The following TRAPPC6B variants were observed in gnomAD, a reference collection of about 807,000 sequenced individuals.
TRAPPC6B encodes TRAPP complex subunit 6B.
A neutral mutation model predicts 24.7 loss-of-function variants in TRAPPC6B; 27 were observed. The observed-to-expected ratio is 1.09, with a 90% CI of 0.81 to 1.51. TRAPPC6B has a LOEUF of 1.51. Ranked by LOEUF, TRAPPC6B falls within the 40% of genes most tolerant of loss-of-function variation. The probability of loss-of-function intolerance (pLI) is 0.00; values close to 1 mark genes in which losing one functional copy is unlikely to be tolerated. For synonymous variants in TRAPPC6B, 80 were observed against 66.6 expected (o/e 1.20, Z -0.98); for missense variants, 212 against 190.8 (o/e 1.11, Z -0.66).
At chr14:39,154,394 T>G (rs2052952069) in intron 3 of TRAPPC6B, 100 bp from the exon 4 acceptor site, 6 of 774,724 alleles carry the variant, frequency 7.7e-6, no homozygotes, top group Middle Eastern at 6.6e-4. Flanking sequence ...TTAAAGTTAT[T>G]AAAAGTCTCC....
At chr14:39,154,497 G>A (rs754801095) in intron 3 of TRAPPC6B, among the ~76,000 whole-genome samples, 28 of 152,136 alleles carry the variant, frequency 1.8e-4, no homozygotes, top group Non-Finnish European at 4.4e-5. Context: ...ACGCCTCACT[G>A]CAGCCTCCAA....
intron 1 of TRAPPC6B, among the ~76,000 whole-genome samples, chr14:39,168,210 C>A: frequency 9.0e-6 from 1 of 110,872 alleles, no homozygotes. Context: ...GAACAAAACT[C>A]CATCTAAAAA....
At chr14:39,159,397 A>T (rs2053027223) in intron 2 of TRAPPC6B, 86 bp downstream of exon 2, 1 of 921,650 alleles carries the variant, frequency 1.1e-6, no homozygotes, top group Non-Finnish European at 1.6e-6. Context: ...AAATTAAAAT[A>T]TCCCAAGTTT....
intron 1 of TRAPPC6B, among the ~76,000 whole-genome samples, chr14:39,163,581 C>A (rs138337589): frequency 6.6e-6 from 1 of 150,820 alleles, no homozygotes; most frequent in Non-Finnish European, 1.5e-5. Flanking sequence ...ATTTAATATA[C>A]CATACATTTT....
intron 3 of TRAPPC6B, among the ~76,000 whole-genome samples, chr14:39,155,288 C>T (rs1449601224): frequency 6.6e-6 from 1 of 152,136 alleles, no homozygotes; most frequent in Non-Finnish European, 1.5e-5. Context: ...GTTGCCCAGG[C>T]TGGAGTGCAA....
At chr14:39,158,496 C>A (rs539876630) in intron 2 of TRAPPC6B, 94 bp from the exon 3 acceptor site, 2 of 735,110 alleles carry the variant, frequency 2.7e-6, no homozygotes, top group East Asian at 5.4e-5. Context: ...CAGAACAGCA[C>A]TGAACATTTA....
intron 1 of TRAPPC6B, among the ~76,000 whole-genome samples, chr14:39,166,835 AC>A (rs34998130): frequency 0.29 from 44,326 of 151,888 alleles, 7,611 homozygotes; most frequent in Non-Finnish European, 0.38. Context: ...TGCATCCCCA[AC>A]CAACCAGGAG....
At chr14:39,164,580 T>C (rs181021799) in intron 1 of TRAPPC6B, among the ~76,000 whole-genome samples, 85 of 152,288 alleles carry the variant, frequency 5.6e-4, no homozygotes, top group Admixed American at 9.2e-4. Context: ...TAGTGACTCA[T>C]GCCTGTAAAT....
intron 1 of TRAPPC6B, among the ~76,000 whole-genome samples, chr14:39,163,914 T>G (rs1262880428): frequency 6.6e-6 from 1 of 150,920 alleles, no homozygotes; most frequent in Non-Finnish European, 1.5e-5. Context: ...CTAACTTCAT[T>G]AATGGCACCA....
At chr14:39,160,976 G>C (rs992229336) in intron 1 of TRAPPC6B, among the ~76,000 whole-genome samples, 1 of 152,194 alleles carries the variant, frequency 6.6e-6, no homozygotes, top group Non-Finnish European at 1.5e-5. Context: ...ATGCAGTCCA[G>C]TTAGGAGAAA....
intron 1 of TRAPPC6B, among the ~76,000 whole-genome samples, chr14:39,163,679 G>A (rs2053080833): frequency 6.6e-6 from 1 of 150,724 alleles, no homozygotes; most frequent in South Asian, 2.1e-4. Context: ...TATTCTGAAG[G>A]CTGTTTGTCT....
At chr14:39,165,194 C>A (rs575319292) in intron 1 of TRAPPC6B, among the ~76,000 whole-genome samples, 1 of 152,042 alleles carries the variant, frequency 6.6e-6, no homozygotes, top group African/African-American at 2.4e-5. Flanking sequence ...TACAGGCGAC[C>A]GCCACCACGC....
At chr14:39,161,130 TTTA>T (rs1203566114) in intron 1 of TRAPPC6B, among the ~76,000 whole-genome samples, 1 of 151,522 alleles carries the variant, frequency 6.6e-6, no homozygotes, top group African/African-American at 2.5e-5. Context: ...ATGCTAGGTT[TTTA>T]TTTCTTTGTT....
intron 3 of TRAPPC6B, chr14:39,157,198 C>A: frequency 3.1e-6 from 1 of 323,114 alleles, no homozygotes; most frequent in South Asian, 3.1e-5. Context: ...AGGACATCCA[C>A]CCAATATGGA....
chr14:39,150,202 T>C lies in TRAPPC6B; in HGVS notation c.*148A>G, dbSNP rs1298766270. On this transcript the variant is annotated 3_prime_UTR_variant, in exon 6 of 6. Coordinates refer to ENST00000330149, the MANE Select transcript of TRAPPC6B (RefSeq NM_001079537.2). ...TATGTCATGGCAGAATGTCCCTTCA[T>C]CTCCTTTGATCTGTGTTAAATTGAT... 2 of 657,042 alleles carry C rather than the reference T, an allele frequency of 3.0e-6. No homozygotes were observed. Among genetic ancestry groups the C allele is most frequent in the South Asian group, 2.0e-5 (1 of 49,706 alleles). The allele number at this position is 657,042 out of a possible 1,614,324, so 40.7% of individuals were successfully genotyped here. A position where few individuals can be genotyped will look rare whatever the true frequency, so the allele number is the denominator to read the frequency against.
intron 3 of TRAPPC6B, 152 bp from the exon 4 acceptor site, chr14:39,154,446 G>T (rs1448658854): frequency 5.1e-6 from 3 of 584,812 alleles, no homozygotes; most frequent in Middle Eastern, 4.6e-4. Flanking sequence ...TTTGAGACGG[G>T]GTCTCCTCTG....
chr14:39,150,311 ATC>A lies in TRAPPC6B; in HGVS notation c.*37_*38del. The A allele has an allele frequency of 6.5e-7, 1 of 1,537,386 alleles. No homozygotes were observed. The highest frequency in any genetic ancestry group is 8.8e-7 in the Non-Finnish European group (1 of 1,135,482). On this transcript the variant is annotated 3_prime_UTR_variant, in exon 6 of 6. Coordinates refer to ENST00000330149, the MANE Select transcript of TRAPPC6B (RefSeq NM_001079537.2). Reference sequence around the variant, plus strand: ...TGAAATACTTTTACATGAATAATTTATCTCTTTACACTGTTGAAGCCTTGCAT... The same window carrying A: ...TGAAATACTTTTACATGAATAATTTATCTTTACACTGTTGAAGCCTTGCAT...
Position 39,148,894 on chromosome 14 carries a change from T to C in TRAPPC6B, c.*1456A>G, listed in dbSNP as rs1314747127. On this transcript the variant is annotated 3_prime_UTR_variant, in exon 6 of 6. Transcript: ENST00000330149. The stretch of plus-strand genomic sequence containing the variant: ...ATACACCTAAGCTATGGCCTATTGC[T>C]CCTAGGCTACAAACCTGTACAGCAT... 5.0e-6 allele frequency: 2 copies of C among 396,112 alleles called. No individual in the cohort carries two copies. Among genetic ancestry groups the C allele is most frequent in the Non-Finnish European group, 8.9e-6 (2 of 225,096 alleles). The allele number at this position is 396,112 out of a possible 1,614,324, so 24.5% of individuals were successfully genotyped here.
chr14:39,154,164 G>T, intron 4 of TRAPPC6B, 47 bp downstream of exon 4: 2 of 1,159,698 alleles, frequency 1.7e-6, no homozygotes, highest in South Asian at 1.2e-5. Context: ...ACTTTTCCCT[G>T]TAGTCCTACT....
Sources: gnomAD v4.1 joint callset for allele counts (sites outside exome capture counted in the v4.1 genomes callset) on GRCh38, gnomAD v4.1.1 for gene constraint, MANE v1.5 for transcripts, NCBI Gene and HGNC (gene_info 2026-07-23, HGNC 2026-07-21) for gene names.